The following NME8 variants were observed in gnomAD, a reference collection of about 807,000 sequenced individuals.
NME8 encodes NME/NM23 family member 8, also known as protein NME8.
NME8 carries 72 observed loss-of-function variants against 82.3 expected under a neutral mutation model. The ratio of observed to expected loss-of-function variants is 0.87; its 90% CI spans 0.72 to 1.06. The LOEUF (loss-of-function observed/expected upper bound fraction) is 1.06. Ranked by LOEUF, NME8 falls within the 50% of genes least tolerant of loss-of-function variation. The probability of loss-of-function intolerance (pLI) is 0.00; values close to 1 mark genes in which losing one functional copy is unlikely to be tolerated. For synonymous variants in NME8, 267 were observed against 228.5 expected (o/e 1.17, Z -1.52); for missense variants, 712 against 685.4 (o/e 1.04, Z -0.43).
intron 11 of NME8, among the ~76,000 whole-genome samples, chr7:37,871,740 T>C (rs1784769956): frequency 6.6e-6 from 1 of 152,112 alleles, no homozygotes; most frequent in Non-Finnish European, 1.5e-5. Flanking sequence ...CCATAGAAAA[T>C]ATCTATTCTC....
chr7:37,867,674 GGAAAC>G (rs1784707100), intron 10 of NME8, 23 bp from the exon 11 acceptor site: 9 of 1,581,826 alleles, frequency 5.7e-6, no homozygotes, highest in Non-Finnish European at 7.8e-6. Context: ...GGAGCCTGAA[GGAAAC>G]AGTTTATCAT....
At chr7:37,871,871 A>G (rs1354036034) in intron 11 of NME8, among the ~76,000 whole-genome samples, 1 of 152,090 alleles carries the variant, frequency 6.6e-6, no homozygotes, top group African/African-American at 2.4e-5. Flanking sequence ...AATAATCCTT[A>G]AAAGTATTTC....
chr7:37,855,956 A>G (rs1784505969), intron 5 of NME8, among the ~76,000 whole-genome samples: 1 of 151,716 alleles, frequency 6.6e-6, no homozygotes. Flanking sequence ...AAACCCAATT[A>G]CTCTTAGACT....
intron 15 of NME8, among the ~76,000 whole-genome samples, chr7:37,890,921 A>G (rs954788287): frequency 6.6e-6 from 1 of 151,944 alleles, no homozygotes; most frequent in Non-Finnish European, 1.5e-5. Flanking sequence ...GAGTACAGAT[A>G]TTTCTTCAAT....
intron 7 of NME8, among the ~76,000 whole-genome samples, chr7:37,863,124 A>G (rs1272945024): frequency 1.3e-5 from 2 of 152,146 alleles, no homozygotes; most frequent in African/African-American, 2.4e-5. Context: ...CTACTCAAAA[A>G]AAATTTAAAA....
In NME8 at chr7:37,856,085, C is replaced by T. The variant is rs146369616; in HGVS notation, c.199-1189C>T. On this transcript the variant is annotated intron_variant, in intron 5 of 17. Coordinates refer to ENST00000199447, the MANE Select transcript of NME8 (RefSeq NM_016616.5). ...GATTTTTCTCAGCTTTTTAGCAGCA[C>T]TTGCAACATCCCTAGTAGCACTTTA... is the stretch of plus-strand genomic sequence containing the variant. Among the ~76,000 whole-genome samples the T allele has an allele frequency of 1.8e-3, 272 of 152,296 alleles. 1 individual carries two copies. The highest frequency in any genetic ancestry group is 6.3e-3 in the African/African-American group (262 of 41,576).
chr7:37,874,264 A>T (rs1331149206), intron 11 of NME8, among the ~76,000 whole-genome samples: 1 of 152,220 alleles, frequency 6.6e-6, no homozygotes, highest in Non-Finnish European at 1.5e-5. Flanking sequence ...ATAACAGCTG[A>T]TGAAGGACTC....
intron 11 of NME8, among the ~76,000 whole-genome samples, chr7:37,870,503 C>T (rs910761648): frequency 2.0e-5 from 3 of 149,082 alleles, no homozygotes; most frequent in East Asian, 2.0e-4. Flanking sequence ...ACAGGAGAAT[C>T]GCTTGAACCT....
In NME8 at chr7:37,864,209, C is replaced by A. The variant is rs539040062; in HGVS notation, c.455-139C>A. ...TAGGAACCCTCTGGTAGTTGAAATG[C>A]CGTAGTAAGATACACAGCTATCAAT... On this transcript the variant is annotated intron_variant, in intron 8 of 17. Transcript: ENST00000199447. 22 of 1,039,348 alleles carry A rather than the reference C, an allele frequency of 2.1e-5. 1 individual carries two copies. The South Asian group carries it at 3.0e-4, about 14-fold the overall frequency. The allele number at this position is 1,039,348 out of a possible 1,614,324, so 64.4% of individuals were successfully genotyped here. A position where few individuals can be genotyped will look rare whatever the true frequency, so the allele number is the denominator to read the frequency against.
At chr7:37,855,386 A>G (rs1784495706) in intron 5 of NME8, among the ~76,000 whole-genome samples, 1 of 152,174 alleles carries the variant, frequency 6.6e-6, no homozygotes, top group Non-Finnish European at 1.5e-5. Context: ...TTATTGAGAA[A>G]GATAGCCCTG....
At chr7:37,899,885 C>T (rs1785288238) in intron 17 of NME8, among the ~76,000 whole-genome samples, 1 of 152,152 alleles carries the variant, frequency 6.6e-6, no homozygotes, top group Non-Finnish European at 1.5e-5. Flanking sequence ...CCAGCCTGTC[C>T]ATCGTGTTCA....
chr7:37,855,441 T>C (rs901587792), intron 5 of NME8, among the ~76,000 whole-genome samples: 8 of 152,148 alleles, frequency 5.3e-5, no homozygotes, highest in Non-Finnish European at 1.0e-4. Context: ...AGTTAGCCTA[T>C]CTCTTCTTCC....
chr7:37,888,487 A>T, intron 15 of NME8, 59 bp downstream of exon 15: 5 of 1,528,754 alleles, frequency 3.3e-6, no homozygotes, highest in Non-Finnish European at 4.5e-6. Context: ...GTGAACATTT[A>T]AAAAATTTAC....
intron 12 of NME8, among the ~76,000 whole-genome samples, chr7:37,878,921 C>T (rs1784899466): frequency 6.6e-6 from 1 of 151,994 alleles, no homozygotes; most frequent in Non-Finnish European, 1.5e-5. Flanking sequence ...TTATTTTGTT[C>T]ATCCTATGGA....
At chr7:37,853,210 G>A (rs760333911) in intron 5 of NME8, among the ~76,000 whole-genome samples, 3 of 152,040 alleles carry the variant, frequency 2.0e-5, no homozygotes, top group Non-Finnish European at 4.4e-5. Context: ...AGTATTCTGT[G>A]TATTTTGAAT....
rs188238656 is a variant in NME8 at position 37,850,311 on chromosome 7, A to T, written c.33+12A>T. 1 of 1,614,168 alleles carries T rather than the reference A, an allele frequency of 6.2e-7. No individual in the cohort carries two copies. The highest frequency in any genetic ancestry group is 8.5e-7 in the Non-Finnish European group (1 of 1,179,964). On this transcript the variant is annotated intron_variant, in intron 3 of 17. Coordinates refer to ENST00000199447, the MANE Select transcript of NME8 (RefSeq NM_016616.5). ...AAGTCCAGTTACAGGTGGGTCTGACATATCAACAATTCTTTATCTGGTGCA... is the reference window on the plus strand; with the variant it reads ...AAGTCCAGTTACAGGTGGGTCTGACTTATCAACAATTCTTTATCTGGTGCA...
chr7:37,870,217 C>T (rs1362567485), intron 11 of NME8, among the ~76,000 whole-genome samples: 4 of 146,758 alleles, frequency 2.7e-5, no homozygotes, highest in Non-Finnish European at 4.5e-5. Context: ...ACATAAAATA[C>T]ACTAACACTA....
At chr7:37,893,570 G>T (rs909964047) in intron 15 of NME8, among the ~76,000 whole-genome samples, 6 of 151,934 alleles carry the variant, frequency 3.9e-5, no homozygotes, top group Admixed American at 3.9e-4. Context: ...TTCCCTACTT[G>T]TCCACTTGGT....
chr7:37,868,593 A>T (rs574497587), intron 11 of NME8, among the ~76,000 whole-genome samples: 1 of 152,174 alleles, frequency 6.6e-6, no homozygotes, highest in African/African-American at 2.4e-5. Context: ...TTATGTCAAG[A>T]ACACTAGAAA....
Sources: gnomAD v4.1 joint callset for allele counts (sites outside exome capture counted in the v4.1 genomes callset) on GRCh38, gnomAD v4.1.1 for gene constraint, MANE v1.5 for transcripts, NCBI Gene and HGNC (gene_info 2026-07-23, HGNC 2026-07-21) for gene names.